CENPP: variants seen among roughly 807,000 people sequenced by gnomAD.
CENPP encodes centromere protein P.
Under a neutral mutation model 35.6 loss-of-function variants are expected in CENPP, and 24 were observed. That is an observed-to-expected ratio of 0.67 (90% CI 0.49 to 0.95). CENPP has a LOEUF of 0.95. CENPP is among the 40% of genes least tolerant of loss of function. The probability of loss-of-function intolerance (pLI) is 0.00; values close to 1 mark genes in which losing one functional copy is unlikely to be tolerated. For missense variants in CENPP, 332 were observed against 345.3 expected, an observed-to-expected ratio of 0.96 and a Z score of 0.31; for synonymous variants, 120 against 125.5, an observed-to-expected ratio of 0.96 and a Z score of 0.29.
At chr9:92,487,399 G>A (rs1846085256) in intron 5 of CENPP, among the ~76,000 whole-genome samples, 1 of 152,098 alleles carries the variant, frequency 6.6e-6, no homozygotes, top group Non-Finnish European at 1.5e-5. Context: ...CACCATGAAG[G>A]GGCAGTTTGA....
At chr9:92,548,352 A>G (rs182892353) in intron 5 of CENPP, among the ~76,000 whole-genome samples, 2 of 152,350 alleles carry the variant, frequency 1.3e-5, no homozygotes, top group Admixed American at 6.5e-5. Flanking sequence ...TAGGATTAAG[A>G]CAAAACCATT....
chr9:92,532,487 AT>A (rs1848860261), intron 5 of CENPP, among the ~76,000 whole-genome samples: 1 of 151,568 alleles, frequency 6.6e-6, no homozygotes, highest in South Asian at 2.1e-4. Flanking sequence ...CAGCTTTCTC[AT>A]TGTGTCTTTA....
intron 5 of CENPP, among the ~76,000 whole-genome samples, chr9:92,559,329 G>C (rs1230523711): frequency 6.6e-6 from 1 of 152,132 alleles, no homozygotes; most frequent in African/African-American, 2.4e-5. Flanking sequence ...ATTTCACTGG[G>C]CTCTCTAACT....
Position 92,544,874 on chromosome 9 carries a change from C to T in CENPP, c.565-66440C>T, listed in dbSNP as rs143089309. On this transcript the variant is annotated intron_variant, in intron 5 of 7. Coordinates refer to ENST00000375587, the MANE Select transcript of CENPP (RefSeq NM_001012267.3). ...GGGAGTACAGGCGCATGCCACCACA[C>T]CCAGCTAAATTTTTTTTTGTATTTT... 8.3e-3 allele frequency among the ~76,000 whole-genome samples: 1,270 copies of T among 152,152 alleles called. 32 individuals carry two copies. Among genetic ancestry groups the T allele is most frequent in the African/African-American group, 0.029 (1,211 of 41,524 alleles).
At chr9:92,583,545 A>G (rs1451723623) in intron 5 of CENPP, among the ~76,000 whole-genome samples, 2 of 152,160 alleles carry the variant, frequency 1.3e-5, no homozygotes, top group Non-Finnish European at 2.9e-5. Context: ...TTAAACTAAT[A>G]TATGAGGTTC....
At chr9:92,456,666 T>C (rs527259219) in intron 5 of CENPP, 1 of 152,762 alleles carries the variant, frequency 6.5e-6, no homozygotes, top group African/African-American at 2.4e-5. Context: ...CCAGCTCTTA[T>C]GAGTAGCATT....
At chr9:92,572,504 C>T (rs1850168984) in intron 5 of CENPP, among the ~76,000 whole-genome samples, 1 of 152,196 alleles carries the variant, frequency 6.6e-6, no homozygotes, top group Admixed American at 6.5e-5. Context: ...CGACCTTTCT[C>T]TCTGGCTGCT....
Position 92,619,575 on chromosome 9 carries a change from C to T in CENPP, c.*6426C>T, listed in dbSNP as rs747961441. ...CGCGGTACTGCTGCACCTGCAGGGG[C>T]GGGAAAGATCAGCTCCAGGTCACAC... On this transcript the variant is annotated 3_prime_UTR_variant, in exon 8 of 8. Transcript: ENST00000375587. The T allele has an allele frequency of 1.2e-4, 182 of 1,569,874 alleles. 2 individuals carry two copies. Among genetic ancestry groups the T allele is most frequent in the Middle Eastern group, 5.0e-4 (3 of 6,028 alleles).
intron 5 of CENPP, among the ~76,000 whole-genome samples, chr9:92,471,710 C>T (rs1258107378): frequency 1.2e-4 from 18 of 148,176 alleles, no homozygotes; most frequent in African/African-American, 2.5e-4. Context: ...TCTGTCGCCC[C>T]GGCTGGAGTG....
At chr9:92,448,138 C>T (rs1185263641) in intron 5 of CENPP, among the ~76,000 whole-genome samples, 5 of 152,160 alleles carry the variant, frequency 3.3e-5, no homozygotes, top group Non-Finnish European at 7.3e-5. Flanking sequence ...AGGGTTTCTT[C>T]CAGCCCACTG....
At chr9:92,396,278 G>A (rs1215657895) in intron 5 of CENPP, among the ~76,000 whole-genome samples, 2 of 151,770 alleles carry the variant, frequency 1.3e-5, no homozygotes, top group African/African-American at 4.8e-5. Context: ...TAACAGTCTT[G>A]TTAGTATAAA....
intron 5 of CENPP, among the ~76,000 whole-genome samples, chr9:92,587,148 T>C (rs1011079984): frequency 1.3e-5 from 2 of 151,732 alleles, no homozygotes; most frequent in Non-Finnish European, 1.5e-5. Context: ...ATGAACAAAA[T>C]GAGATATCAA....
intron 5 of CENPP, among the ~76,000 whole-genome samples, chr9:92,504,309 T>C (rs1255806008): frequency 6.6e-6 from 1 of 152,014 alleles, no homozygotes; most frequent in Non-Finnish European, 1.5e-5. Context: ...AATCTGGAAA[T>C]AGGAAGAAGA....
chr9:92,377,132 A>G (rs949798925), intron 4 of CENPP, among the ~76,000 whole-genome samples: 5 of 152,004 alleles, frequency 3.3e-5, no homozygotes, highest in Non-Finnish European at 7.4e-5. Flanking sequence ...TACCTGTGCA[A>G]ACTTCTAGCT....
intron 5 of CENPP, among the ~76,000 whole-genome samples, chr9:92,515,883 C>T (rs558697317): frequency 4.6e-5 from 7 of 152,220 alleles, no homozygotes; most frequent in Admixed American, 1.3e-4. Flanking sequence ...GACATATGCC[C>T]AGGAGTGCTG....
intron 5 of CENPP, chr9:92,393,043 C>G (rs1404712684): frequency 4.6e-6 from 7 of 1,532,710 alleles, no homozygotes; most frequent in Middle Eastern, 1.7e-4. Context: ...GAGTTAAATA[C>G]TAATACGAGT....
intron 5 of CENPP, chr9:92,403,220 T>C (rs765217979): frequency 1.6e-5 from 24 of 1,513,190 alleles, no homozygotes; most frequent in Non-Finnish European, 1.6e-5. Context: ...AAATTTAGAA[T>C]AGAAATAAAG....
At chr9:92,542,033 C>A (rs1849330228) in intron 5 of CENPP, among the ~76,000 whole-genome samples, 1 of 152,128 alleles carries the variant, frequency 6.6e-6, no homozygotes, top group Non-Finnish European at 1.5e-5. Flanking sequence ...ACCTTGTGAT[C>A]CACACACCTC....
chr9:92,428,369 C>A (rs1204692172), intron 5 of CENPP, among the ~76,000 whole-genome samples: 1 of 152,124 alleles, frequency 6.6e-6, no homozygotes, highest in East Asian at 1.9e-4. Context: ...AATTCAGGTT[C>A]CAGCATCTTT....
Sources: allele counts gnomAD v4.1 joint callset (sites outside exome capture counted in the v4.1 genomes callset), GRCh38; gene constraint gnomAD v4.1.1; transcripts MANE v1.5; gene names NCBI Gene and HGNC (gene_info 2026-07-23, HGNC 2026-07-21).